Variants in CD58 observed in about 807,000 individuals in gnomAD.
The protein encoded by CD58 is lymphocyte function-associated antigen 3.
A neutral mutation model predicts 27.6 loss-of-function variants in CD58; 14 were observed. The observed-to-expected ratio is 0.51, with a 90% confidence interval of 0.34 to 0.79. The LOEUF (loss-of-function observed/expected upper bound fraction) is 0.79, where lower values mean the gene tolerates loss of function less well. Ranked by LOEUF, CD58 falls within the 30% of genes least tolerant of loss-of-function variation. CD58 has a pLI of 0.02. For missense variants in CD58, 268 were observed against 301.7 expected (o/e 0.89, Z 0.83); for synonymous variants, 117 against 103.8 (o/e 1.13, Z -0.77).
chr1:116,562,727 C>T (rs1294778131), intron 1 of CD58, among the ~76,000 whole-genome samples: 1 of 152,162 alleles, frequency 6.6e-6, no homozygotes, highest in African/African-American at 2.4e-5. Context: ...TCTTGTGAGA[C>T]TTATTCACTA....
intron 1 of CD58, among the ~76,000 whole-genome samples, chr1:116,566,352 G>T (rs187350491): frequency 6.6e-6 from 1 of 152,202 alleles, no homozygotes; most frequent in African/African-American, 2.4e-5. Context: ...AGAGGCAGAA[G>T]AACTAAGCAG....
chr1:116,554,598 T>C (rs1368958622), intron 1 of CD58, among the ~76,000 whole-genome samples: 1 of 152,088 alleles, frequency 6.6e-6, no homozygotes, highest in East Asian at 1.9e-4. Context: ...GCTCTTTTTT[T>C]AGACTGGAAA....
rs1030958237 is a variant in CD58 at position 116,531,871 on chromosome 1, C to T, written c.628+4094G>A. 6.6e-6 allele frequency among the ~76,000 whole-genome samples: 1 copy of T among 152,212 alleles called. No individual in the cohort carries two copies. Among genetic ancestry groups the T allele is most frequent in the African/African-American group, 2.4e-5 (1 of 41,456 alleles). ...GCTGAGCACTCTCTACAGGCCTGGT[C>T]AGCGCGGACAAGGCCATCCCCGGCT... On this transcript the variant is annotated intron_variant, in intron 3 of 5. Coordinates refer to ENST00000369489, the MANE Select transcript of CD58 (RefSeq NM_001779.3). The surrounding 1 kb of genome is among the most constrained non-coding windows in gnomAD (Gnocchi z 4.5).
chr1:116,520,005 AGG>A (rs1657217265), intron 4 of CD58, among the ~76,000 whole-genome samples: 1 of 152,246 alleles, frequency 6.6e-6, no homozygotes, highest in African/African-American at 2.4e-5. Context: ...AACTACAACT[AGG>A]CAGCTGGAGC....
At position 116,534,199 on chromosome 1, in the gene CD58, C is replaced by T. The variant is rs1044541414; in HGVS notation, c.628+1766G>A. The T allele has an allele frequency of 6.5e-5, 37 of 572,674 alleles. 1 individual carries two copies. The highest frequency in any genetic ancestry group is 6.4e-4 in the South Asian group (36 of 55,926). The allele number at this position is 572,674 out of a possible 1,614,324, so 35.5% of individuals were successfully genotyped here. ...CACACGCCGCCCATCTGGCTCGCACCGCACAGCTCCCAACAGCTGAGATGC... is the reference window on the plus strand; with the variant it reads ...CACACGCCGCCCATCTGGCTCGCACTGCACAGCTCCCAACAGCTGAGATGC... On this transcript the variant is annotated intron_variant, in intron 3 of 5. Transcript: ENST00000369489. The surrounding 1 kb of genome is among the most constrained non-coding windows in gnomAD (Gnocchi z 5.3).
intron 1 of CD58, among the ~76,000 whole-genome samples, chr1:116,553,555 G>A (rs566324267): frequency 2.6e-5 from 4 of 152,160 alleles, no homozygotes; most frequent in African/African-American, 9.6e-5. Flanking sequence ...TTCCTCCTAG[G>A]TGGGTTGTGG....
chr1:116,526,191 T>A (rs1205287120), intron 3 of CD58, among the ~76,000 whole-genome samples: 1 of 152,246 alleles, frequency 6.6e-6, no homozygotes, highest in Non-Finnish European at 1.5e-5. Context: ...GCAATGTTTT[T>A]AATTTTAATG....
Position 116,532,066 on chromosome 1 carries a change from C to T in CD58, c.628+3899G>A, listed in dbSNP as rs1657631389. Among the ~76,000 whole-genome samples the T allele has an allele frequency of 6.6e-6, 1 of 152,272 alleles. No individual in the cohort carries two copies. Among genetic ancestry groups the T allele is most frequent in the African/African-American group, 2.4e-5 (1 of 41,476 alleles). ...TGAAACGCAGGACTTCCCAGCCCAG[C>T]CCCTCACTGGAGAACACTGCCGAAT... On this transcript the variant is annotated intron_variant, in intron 3 of 5. Transcript: ENST00000369489. This position sits in a 1 kb window ranked among gnomAD's most constrained non-coding sequence, Gnocchi z 5.1.
At chr1:116,533,953 T>C in intron 3 of CD58, 3 of 1,428,946 alleles carry the variant, frequency 2.1e-6, no homozygotes, top group Non-Finnish European at 2.0e-6. Context: ...GTGAGGGGCA[T>C]TGTCAAGTCG....
intron 1 of CD58, among the ~76,000 whole-genome samples, chr1:116,551,539 C>G (rs1658390640): frequency 6.6e-6 from 1 of 152,316 alleles, no homozygotes; most frequent in South Asian, 2.1e-4. Context: ...AATGTTGTAG[C>G]TGGCTTGATC....
rs915182946 is a variant in CD58, at chr1:116,536,652, G to T, written c.365-424C>A. Among the ~76,000 whole-genome samples, 1 of 152,058 alleles carries T rather than the reference G, an allele frequency of 6.6e-6. No homozygotes were observed. The highest frequency in any genetic ancestry group is 1.5e-5 in the Non-Finnish European group (1 of 68,014). On this transcript the variant is annotated intron_variant, in intron 2 of 5. Coordinates refer to ENST00000369489, the MANE Select transcript of CD58 (RefSeq NM_001779.3). The surrounding 1 kb of genome is among the most constrained non-coding windows in gnomAD (Gnocchi z 5.4). ...TGAAAAAAGTGCTTGCTTCTCCTTC[G>T]CCTTCTGCCATGATTGTAAGTTTCC...
At position 116,518,982 on chromosome 1, in the gene CD58, G is replaced by C. The variant is rs375907540; in HGVS notation, c.743+249C>G. Reference sequence around the variant, plus strand: ...CTCATATGCGCTGTCTCTAAGCAAGGGGTATGATACTCCTCCTGCAAGGCT... The same window carrying C: ...CTCATATGCGCTGTCTCTAAGCAAGCGGTATGATACTCCTCCTGCAAGGCT... On this transcript the variant is annotated intron_variant, in intron 5 of 5. Transcript: ENST00000369489. 3.9e-6 allele frequency: 4 copies of C among 1,031,866 alleles called. No homozygotes were observed. The South Asian group carries it at 5.5e-5, about 14-fold the overall frequency. 63.9% of individuals were successfully genotyped at this position (1,031,866 alleles called of 1,614,324 possible).
At chr1:116,561,390 ATAGATGT>A (rs1340238069) in intron 1 of CD58, among the ~76,000 whole-genome samples, 2 of 152,342 alleles carry the variant, frequency 1.3e-5, no homozygotes, top group Non-Finnish European at 2.9e-5. Context: ...GTTAATATTT[ATAGATGT>A]TATGATGTTA....
Position 116,519,129 on chromosome 1 carries a change from G to A in CD58, c.743+102C>T, listed in dbSNP as rs918003952. 6.4e-7 allele frequency: 1 copy of A among 1,567,612 alleles called. No individual in the cohort carries two copies. The highest frequency in any genetic ancestry group is 1.4e-5 in the African/African-American group (1 of 73,936). ...GATGTTACTTCTTATTACTGTACAA[G>A]GCAACCAACAGATGAGTACAATCTG... On this transcript the variant is annotated intron_variant, in intron 5 of 5. Transcript: ENST00000369489. The surrounding 1 kb of genome is among the most constrained non-coding windows in gnomAD (Gnocchi z 4.7).
At chr1:116,545,471 G>A (rs988534863) in intron 1 of CD58, among the ~76,000 whole-genome samples, 2 of 152,132 alleles carry the variant, frequency 1.3e-5, no homozygotes, top group African/African-American at 2.4e-5. Context: ...ACAGACAAGC[G>A]GACAGACTCA....
At chr1:116,514,933 C>T (rs1054116207) in intron 5 of CD58, 111 bp from the exon 6 acceptor site, 28 of 710,826 alleles carry the variant, frequency 3.9e-5, no homozygotes, top group Middle Eastern at 4.8e-4. Flanking sequence ...TTGTAATAAA[C>T]TCATCAAAGC....
In CD58 at chr1:116,563,726, C is replaced by A. The variant is rs1462586671; in HGVS notation, c.70+7177G>T. On this transcript the variant is annotated intron_variant, in intron 1 of 5. Coordinates refer to ENST00000369489, the MANE Select transcript of CD58 (RefSeq NM_001779.3). The surrounding 1 kb of genome is among the most constrained non-coding windows in gnomAD (Gnocchi z 4.1). The stretch of plus-strand genomic sequence containing the variant: ...CTAAAACAGCTGGCATGCAGGGCTC[C>A]ATGTTTGGAGGCTGCAAAGAGCAGG... Among the ~76,000 whole-genome samples the A allele has an allele frequency of 1.3e-5, 2 of 152,188 alleles. No individual in the cohort carries two copies. Among genetic ancestry groups the A allele is most frequent in the African/African-American group, 4.8e-5 (2 of 41,452 alleles).
intron 1 of CD58, among the ~76,000 whole-genome samples, chr1:116,567,237 G>C (rs1219208597): frequency 8.0e-6 from 1 of 125,304 alleles, no homozygotes; most frequent in Non-Finnish European, 1.7e-5. Context: ...GGGAGGGAAA[G>C]GGAGGGGAGG....
chr1:116,563,842 C>T lies in CD58; in HGVS notation c.70+7061G>A, dbSNP rs779083034. On this transcript the variant is annotated intron_variant, in intron 1 of 5. Transcript: ENST00000369489. The surrounding 1 kb of genome is among the most constrained non-coding windows in gnomAD (Gnocchi z 4.1). The stretch of plus-strand genomic sequence containing the variant: ...GGCTGCCATGAAGGTTTCTGATATG[C>T]CCTGGAGACATTTTCCCCATTGTCT... 6.6e-6 allele frequency among the ~76,000 whole-genome samples: 1 copy of T among 152,230 alleles called. No individual in the cohort carries two copies. Among genetic ancestry groups the T allele is most frequent in the Admixed American group, 6.5e-5 (1 of 15,292 alleles).
Sources: gnomAD v4.1 joint callset for allele counts (sites outside exome capture counted in the v4.1 genomes callset) on GRCh38, gnomAD v4.1.1 for gene constraint, Gnocchi (gnomAD v3.1) non-coding constraint, MANE v1.5 for transcripts, NCBI Gene and HGNC (gene_info 2026-07-23, HGNC 2026-07-21) for gene names.